The following TAC4 variants were observed in gnomAD, a reference collection of about 807,000 sequenced individuals.
The protein encoded by TAC4 is tachykinin-4.
A neutral mutation model predicts 17.7 loss-of-function variants in TAC4; 17 were observed. The observed-to-expected ratio is 0.96, with a 90% confidence interval of 0.66 to 1.44. The LOEUF (loss-of-function observed/expected upper bound fraction) is 1.44, where lower values mean the gene tolerates loss of function less well. Ranked by LOEUF, TAC4 falls within the 40% of genes most tolerant of loss-of-function variation. TAC4 has a pLI of 0.00. For synonymous variants in TAC4, 62 were observed against 52.4 expected (o/e 1.18, Z -0.79); for missense variants, 118 against 125.6 (o/e 0.94, Z 0.29).
chr17:49,841,420 C>G, intron 3 of TAC4, 132 bp downstream of exon 3: 1 of 925,864 alleles, frequency 1.1e-6, no homozygotes, highest in South Asian at 2.2e-5. Flanking sequence ...CTGGCCCCAC[C>G]TCTGCACAGC....
chr17:49,847,976 G>A lies in TAC4; in HGVS notation c.42C>T (p.Ser14=), dbSNP rs770588810. ...CACCATCACCTGCCACAGTGCACAC[G>A]GACAGCTCCATCAGGAGAAGCAGGG... ...CLALLLLMEL[S]VCTVAGDGGE... The change falls in exon 1 of 5, where the codon TCC becomes TCT. Residue 14 remains serine (S), a synonymous_variant. Transcript: ENST00000436235. 32 of 1,614,040 alleles carry A rather than the reference G, an allele frequency of 2.0e-5. No homozygotes were observed. Among genetic ancestry groups the A allele is most frequent in the Non-Finnish European group, 2.5e-5 (30 of 1,180,036 alleles).
At chr17:49,847,672 C>G (rs1006957912) in intron 1 of TAC4, 42 of 294,842 alleles carry the variant, frequency 1.4e-4, no homozygotes, top group Admixed American at 9.8e-4. Context: ...GTATTTCTTA[C>G]ACACACACAC....
chr17:49,843,558 C>T (rs1033983466), intron 2 of TAC4, among the ~76,000 whole-genome samples: 5 of 152,132 alleles, frequency 3.3e-5, no homozygotes, highest in Non-Finnish European at 5.9e-5. Context: ...TGTTGCCTGG[C>T]GTAATTACTA....
intron 1 of TAC4, among the ~76,000 whole-genome samples, chr17:49,844,761 A>C (rs549741717): frequency 6.6e-6 from 1 of 152,292 alleles, no homozygotes; most frequent in African/African-American, 2.4e-5. Context: ...CCATTTCAAA[A>C]AGAAAGAATT....
intron 2 of TAC4, among the ~76,000 whole-genome samples, chr17:49,843,545 A>G (rs995189506): frequency 6.6e-6 from 1 of 152,162 alleles, no homozygotes; most frequent in Non-Finnish European, 1.5e-5. Context: ...CCTTGTTTAC[A>G]CTTGTTGCCT....
At position 49,844,104 on chromosome 17, in the gene TAC4, C is replaced by T. The variant is rs764990599; in HGVS notation, c.159G>A (p.Lys53=). 28 of 1,613,886 alleles carry T rather than the reference C, an allele frequency of 1.7e-5. No individual in the cohort carries two copies. The highest frequency in any genetic ancestry group is 3.3e-5 in the Admixed American group (2 of 60,004). ...CCATCAGCCCAAAGAACTGGCTTGC[C>T]TTGCCCGTCTTCACCTCCTGCAGCT... ...QLQLQEVKTG[K]ASQFFGLMGK... The change falls in exon 2 of 5, where the codon AAG becomes AAA. Residue 53 remains lysine (K), a synonymous_variant. Coordinates refer to ENST00000436235, the MANE Select transcript of TAC4 (RefSeq NM_001077506.2).
chr17:49,847,207 T>C (rs1379692930), intron 1 of TAC4: 1 of 1,290,190 alleles, frequency 7.8e-7, no homozygotes, highest in South Asian at 1.2e-5. Context: ...TCTGCCCCCC[T>C]GGAAGCCTTC....
intron 1 of TAC4, among the ~76,000 whole-genome samples, chr17:49,846,739 G>T (rs2074543633): frequency 6.6e-6 from 1 of 152,172 alleles, no homozygotes; most frequent in Admixed American, 6.5e-5. Context: ...TGCAGGATGA[G>T]GTGCTTTTGG....
chr17:49,844,277 G>GCCAGT, intron 1 of TAC4, 120 bp from the exon 2 acceptor site: 1 of 801,210 alleles, frequency 1.2e-6, no homozygotes, highest in South Asian at 1.5e-5. Context: ...GCTGTGCACT[G>GCCAGT]GCACTGGGCA....
chr17:49,847,188 C>T (rs1446816711), intron 1 of TAC4: 15 of 1,290,048 alleles, frequency 1.2e-5, no homozygotes, highest in Non-Finnish European at 1.5e-5. Flanking sequence ...CAGGCCCAGC[C>T]TTGTCCTGTC....
At chr17:49,842,057 C>T (rs1055634458) in intron 2 of TAC4, among the ~76,000 whole-genome samples, 1 of 151,368 alleles carries the variant, frequency 6.6e-6, no homozygotes, top group Admixed American at 6.6e-5. Flanking sequence ...GCGCCCGCCA[C>T]CACGCCCGGC....
At chr17:49,847,812 C>T (rs759310376) in intron 1 of TAC4, 101 bp downstream of exon 1, 15 of 1,593,490 alleles carry the variant, frequency 9.4e-6, no homozygotes, top group Admixed American at 3.4e-5. Flanking sequence ...ACTGCCTGCT[C>T]TCCCAGCAGC....
At chr17:49,846,207 G>C in intron 1 of TAC4, 1 of 1,288,930 alleles carries the variant, frequency 7.8e-7, no homozygotes, top group Non-Finnish European at 1.0e-6. Context: ...CTCCAGGGAT[G>C]ACTACAGGTT....
At chr17:49,846,681 G>T (rs896299452) in intron 1 of TAC4, among the ~76,000 whole-genome samples, 3 of 152,148 alleles carry the variant, frequency 2.0e-5, no homozygotes, top group African/African-American at 7.2e-5. Context: ...GAAGCAGAGG[G>T]ATGTGATATT....
chr17:49,844,126 A>G lies in TAC4; in HGVS notation c.137T>C (p.Leu46Pro). The change falls in exon 2 of 5, where the codon CTG becomes CCG. Residue 46 changes from leucine (L) to proline (P), a missense_variant. Physicochemically the swap from Leu to Pro is moderately conservative, Grantham distance 98. Transcript: ENST00000436235. ...TGCCTTGCCCGTCTTCACCTCCTGCAGCTGGAGCTGAATGCTGGGGCCAGC... is the reference window on the plus strand; with the variant it reads ...TGCCTTGCCCGTCTTCACCTCCTGCGGCTGGAGCTGAATGCTGGGGCCAGC... The part of the protein sequence containing the change: ...EGAGPSIQLQ[L>P]QEVKTGKASQ... 6.2e-7 allele frequency: 1 copy of G among 1,613,990 alleles called. No individual in the cohort carries two copies. Among genetic ancestry groups the G allele is most frequent in the Non-Finnish European group, 8.5e-7 (1 of 1,179,850 alleles).
In TAC4 at chr17:49,841,534, G is replaced by C; in HGVS notation, c.232+18C>G. 6.4e-7 allele frequency: 1 copy of C among 1,573,358 alleles called. No individual in the cohort carries two copies. The highest frequency in any genetic ancestry group is 8.6e-7 in the Non-Finnish European group (1 of 1,161,078). ...CTCCCTAGGGGGCATGTTGAAGGCA[G>C]GTTTGGGCAATACTTACCTTTTTTT... On this transcript the variant is annotated intron_variant, in intron 3 of 4. Coordinates refer to ENST00000436235, the MANE Select transcript of TAC4 (RefSeq NM_001077506.2).
intron 1 of TAC4, chr17:49,847,399 TAAGTTG>T: frequency 1.6e-6 from 1 of 633,222 alleles, no homozygotes; most frequent in Non-Finnish European, 2.3e-6. Context: ...TGGTCCTGTT[TAAGTTG>T]ATCCCCTTGA....
At chr17:49,842,772 T>A (rs1315819391) in intron 2 of TAC4, among the ~76,000 whole-genome samples, 2 of 152,254 alleles carry the variant, frequency 1.3e-5, no homozygotes, top group African/African-American at 4.8e-5. Context: ...GTAACCACTG[T>A]TTACAGTTTG....
chr17:49,842,150 C>T (rs2074503387), intron 2 of TAC4, among the ~76,000 whole-genome samples: 1 of 151,658 alleles, frequency 6.6e-6, no homozygotes, highest in Non-Finnish European at 1.5e-5. Context: ...ATGATCTTCC[C>T]ACCTCAGCCT....
Sources: allele counts gnomAD v4.1 joint callset (sites outside exome capture counted in the v4.1 genomes callset), GRCh38; gene constraint gnomAD v4.1.1; transcripts MANE v1.5; gene names NCBI Gene and HGNC (gene_info 2026-07-23, HGNC 2026-07-21).